Variants in KSR2 observed in about 807,000 individuals in gnomAD.
KSR2 encodes kinase suppressor of ras 2.
Under a neutral mutation model 107.8 loss-of-function variants are expected in KSR2, and 25 were observed. That is an observed-to-expected ratio of 0.23 (90% confidence interval 0.17 to 0.32). The LOEUF (loss-of-function observed/expected upper bound fraction) is 0.32. Among genes scored for constraint, KSR2 ranks in the 10% least tolerant of loss-of-function variants. The pLI is 1.00. For missense variants in KSR2, 887 were observed against 1,268.9 expected (o/e 0.70, Z 4.57); for synonymous variants, 480 against 507.0 (o/e 0.95, Z 0.71).
intron 16 of KSR2, among the ~76,000 whole-genome samples, chr12:117,483,070 C>T (rs1068942): frequency 0.16 from 23,666 of 152,202 alleles, 2,059 homozygotes; most frequent in East Asian, 0.25. Context: ...CTTGCCCTCC[C>T]GGGCTTCTTG....
At chr12:117,752,947 A>G (rs796280457) in intron 4 of KSR2, among the ~76,000 whole-genome samples, 43 of 152,294 alleles carry the variant, frequency 2.8e-4, no homozygotes, top group African/African-American at 9.9e-4. Flanking sequence ...TGGGTGTGGG[A>G]TCCTTGGGAT....
At chr12:117,902,288 G>A (rs918469087) in intron 1 of KSR2, among the ~76,000 whole-genome samples, 4 of 151,956 alleles carry the variant, frequency 2.6e-5, no homozygotes, top group South Asian at 2.1e-4. Context: ...GTGAAACCCC[G>A]TCTCTATAAA....
At chr12:117,693,106 G>T (rs1885900525) in intron 4 of KSR2, among the ~76,000 whole-genome samples, 1 of 152,158 alleles carries the variant, frequency 6.6e-6, no homozygotes, top group Non-Finnish European at 1.5e-5. Flanking sequence ...AAAGAAATGA[G>T]GAGGCGGGAT....
chr12:117,875,916 T>A (rs1198988968), intron 1 of KSR2, among the ~76,000 whole-genome samples: 1 of 152,166 alleles, frequency 6.6e-6, no homozygotes, highest in Non-Finnish European at 1.5e-5. Flanking sequence ...GCTTTGCCTG[T>A]CATTTCCCCA....
At chr12:117,568,963 T>C (rs911486076) in intron 7 of KSR2, among the ~76,000 whole-genome samples, 1 of 152,214 alleles carries the variant, frequency 6.6e-6, no homozygotes, top group African/African-American at 2.4e-5. Context: ...AATTATATCC[T>C]GCCAATATCC....
At chr12:117,516,126 G>A (rs1405966718) in intron 14 of KSR2, among the ~76,000 whole-genome samples, 2 of 152,082 alleles carry the variant, frequency 1.3e-5, no homozygotes, top group Non-Finnish European at 2.9e-5. Flanking sequence ...GCTTCAGGTG[G>A]TCTGGGCTTC....
chr12:117,795,300 T>C (rs898257802), intron 3 of KSR2, among the ~76,000 whole-genome samples: 1 of 152,198 alleles, frequency 6.6e-6, no homozygotes, highest in African/African-American at 2.4e-5. Flanking sequence ...ATAGACGAAA[T>C]CCAACTTGTC....
At chr12:117,594,524 A>T (rs528718147) in intron 5 of KSR2, among the ~76,000 whole-genome samples, 1 of 152,290 alleles carries the variant, frequency 6.6e-6, no homozygotes, top group Admixed American at 6.5e-5. Flanking sequence ...AAGTGAGGCC[A>T]GGAAGCCTGC....
intron 1 of KSR2, among the ~76,000 whole-genome samples, chr12:117,876,769 A>G (rs533022461): frequency 6.7e-5 from 10 of 149,024 alleles, no homozygotes; most frequent in African/African-American, 2.4e-4. Context: ...ATATATTTAT[A>G]TATATATAAC....
At chr12:117,874,774 C>T (rs909883338) in intron 1 of KSR2, among the ~76,000 whole-genome samples, 8 of 151,484 alleles carry the variant, frequency 5.3e-5, no homozygotes, top group African/African-American at 1.9e-4. Flanking sequence ...ATATTTAGGT[C>T]GACCTCAATT....
intron 4 of KSR2, among the ~76,000 whole-genome samples, chr12:117,746,301 C>T (rs919793881): frequency 2.6e-5 from 4 of 151,896 alleles, no homozygotes; most frequent in South Asian, 2.1e-4. Context: ...ATCTGATCTT[C>T]GACAAACCTG....
intron 7 of KSR2, among the ~76,000 whole-genome samples, chr12:117,573,395 G>A (rs1202577365): frequency 1.3e-5 from 2 of 151,938 alleles, no homozygotes; most frequent in East Asian, 3.8e-4. Context: ...ATCTAGTAAG[G>A]TGGATATTAT....
chr12:117,872,976 G>A (rs1330503515), intron 1 of KSR2, among the ~76,000 whole-genome samples: 1 of 152,156 alleles, frequency 6.6e-6, no homozygotes, highest in African/African-American at 2.4e-5. Flanking sequence ...ACAAGGCCAC[G>A]TGGCAGGAAC....
chr12:117,517,022 C>T (rs1266723850), intron 14 of KSR2, among the ~76,000 whole-genome samples: 1 of 152,110 alleles, frequency 6.6e-6, no homozygotes, highest in Non-Finnish European at 1.5e-5. Context: ...CACAGACCAC[C>T]CCCCTCCATA....
intron 1 of KSR2, among the ~76,000 whole-genome samples, chr12:117,894,247 C>T (rs1894439338): frequency 6.6e-6 from 1 of 152,168 alleles, no homozygotes; most frequent in Admixed American, 6.5e-5. Flanking sequence ...ATAGTGCCAG[C>T]ATTAGGATGA....
chr12:117,959,769 A>G (rs908154165), intron 1 of KSR2, among the ~76,000 whole-genome samples: 10 of 151,858 alleles, frequency 6.6e-5, no homozygotes, highest in Non-Finnish European at 4.4e-5. Flanking sequence ...TATCTCTACA[A>G]AATTTTTAAA....
chr12:117,881,451 A>T (rs1395195297), intron 1 of KSR2, among the ~76,000 whole-genome samples: 1 of 152,200 alleles, frequency 6.6e-6, no homozygotes, highest in Non-Finnish European at 1.5e-5. Flanking sequence ...GATCCTTTTC[A>T]CTATGTAACC....
intron 1 of KSR2, among the ~76,000 whole-genome samples, chr12:117,872,165 T>C (rs1893674401): frequency 6.6e-6 from 1 of 152,180 alleles, no homozygotes; most frequent in Non-Finnish European, 1.5e-5. Context: ...GCCTCAATAA[T>C]AACCCCATCT....
intron 7 of KSR2, among the ~76,000 whole-genome samples, chr12:117,562,251 G>A (rs1878178095): frequency 6.6e-6 from 1 of 151,762 alleles, no homozygotes; most frequent in South Asian, 2.1e-4. Context: ...CACGAATGGT[G>A]GGGACATGAG....
Sources: allele counts gnomAD v4.1 joint callset (sites outside exome capture counted in the v4.1 genomes callset), GRCh38; gene constraint gnomAD v4.1.1; transcripts MANE v1.5; gene names NCBI Gene and HGNC (gene_info 2026-07-23, HGNC 2026-07-21).